The following MCF2L variants were observed in gnomAD, a reference collection of about 807,000 sequenced individuals.
The protein encoded by MCF2L is MCF.2 cell line derived transforming sequence like, also known as guanine nucleotide exchange factor DBS.
MCF2L carries 97 observed loss-of-function variants against 153.4 expected under a neutral mutation model. The observed-to-expected ratio is 0.63, with a 90% CI of 0.54 to 0.75. The LOEUF is 0.75. Among genes scored for constraint, MCF2L ranks in the 30% least tolerant of loss-of-function variants. The probability of loss-of-function intolerance (pLI) is 0.00; values close to 1 mark genes in which losing one functional copy is unlikely to be tolerated. For synonymous variants in MCF2L, 659 were observed against 632.2 expected (o/e 1.04, Z -0.64); for missense variants, 1,347 against 1,495.2 (o/e 0.90, Z 1.64).
At chr13:113,033,201 G>T (rs1594764384) in intron 3 of MCF2L, among the ~76,000 whole-genome samples, 4 of 142,168 alleles carry the variant, frequency 2.8e-5, no homozygotes, top group Non-Finnish European at 4.6e-5. Flanking sequence ...CCCGTGACGT[G>T]AGTGGCCCCC....
At chr13:113,026,332 T>C (rs940045611) in intron 3 of MCF2L, among the ~76,000 whole-genome samples, 6 of 151,654 alleles carry the variant, frequency 4.0e-5, no homozygotes, top group African/African-American at 2.4e-5. Context: ...GGAGCCATCA[T>C]TGAGTTCCCC....
intron 3 of MCF2L, among the ~76,000 whole-genome samples, chr13:113,030,429 G>A (rs1316444569): frequency 2.1e-5 from 3 of 142,752 alleles, no homozygotes; most frequent in Admixed American, 7.0e-5. Flanking sequence ...GTCCGCCGAC[G>A]CCCGGTGTGG....
intron 11 of MCF2L, among the ~76,000 whole-genome samples, chr13:113,075,674 G>C (rs914056678): frequency 2.0e-5 from 3 of 152,212 alleles, no homozygotes; most frequent in African/African-American, 7.2e-5. Flanking sequence ...CTTAAGGCCT[G>C]GTTGATCCTA....
Position 113,064,807 on chromosome 13 carries a change from C to A in MCF2L, c.607-129C>A, listed in dbSNP as rs906572353. 2.0e-6 allele frequency: 2 copies of A among 1,009,302 alleles called. No individual in the cohort carries two copies. Among genetic ancestry groups the A allele is most frequent in the Non-Finnish European group, 2.9e-6 (2 of 695,254 alleles). The allele number at this position is 1,009,302 out of a possible 1,614,324, so 62.5% of individuals were successfully genotyped here. A position where few individuals can be genotyped will look rare whatever the true frequency, so the allele number is the denominator to read the frequency against. On this transcript the variant is annotated intron_variant, in intron 6 of 29. Coordinates refer to ENST00000535094, the MANE Select transcript of MCF2L (RefSeq NM_001112732.3). This position sits in a 1 kb window ranked among gnomAD's most constrained non-coding sequence, Gnocchi z 6.0. The stretch of plus-strand genomic sequence containing the variant: ...CAGGACGCTATGGGAGGGCGTTCAC[C>A]GTCTTTGCGTCAGCCGGTCTCACCT...
intron 1 of MCF2L, among the ~76,000 whole-genome samples, chr13:112,976,775 G>T (rs1298195819): frequency 1.3e-5 from 2 of 152,216 alleles, no homozygotes; most frequent in Middle Eastern, 6.3e-3. Flanking sequence ...CGACAGAGCC[G>T]TGAGGAGACA....
chr13:113,065,925 C>T (rs1202212010), intron 7 of MCF2L, 121 bp from the exon 8 acceptor site: 16 of 1,055,280 alleles, frequency 1.5e-5, no homozygotes, highest in Admixed American at 5.8e-5. Flanking sequence ...ACTCGGGGGT[C>T]GGGGATTGAC....
intron 2 of MCF2L, among the ~76,000 whole-genome samples, chr13:112,928,558 C>A (rs961334612): frequency 1.3e-5 from 2 of 152,048 alleles, no homozygotes; most frequent in Non-Finnish European, 2.9e-5. Flanking sequence ...GTGCTTTTTT[C>A]CTCCCTTCAC....
intron 2 of MCF2L, among the ~76,000 whole-genome samples, chr13:113,017,718 C>T (rs2084622160): frequency 6.6e-6 from 1 of 152,142 alleles, no homozygotes; most frequent in Admixed American, 6.5e-5. Flanking sequence ...ACAGACTCCC[C>T]CGCCCGCCAC....
At chr13:113,004,480 C>T (rs2083563517) in intron 1 of MCF2L, among the ~76,000 whole-genome samples, 1 of 152,216 alleles carries the variant, frequency 6.6e-6, no homozygotes, top group Non-Finnish European at 1.5e-5. Context: ...CTCTGGGTCC[C>T]TGTAGCCTCC....
chr13:113,019,371 T>C (rs193242596), intron 2 of MCF2L, among the ~76,000 whole-genome samples: 51 of 152,280 alleles, frequency 3.3e-4, no homozygotes, highest in African/African-American at 1.0e-3. Context: ...TGCTCCAACC[T>C]GGGAGGACCG....
chr13:112,934,555 A>ATGCTGCTGC lies in MCF2L; in HGVS notation c.169+32202_169+32210dup, dbSNP rs61222550. On this transcript the variant is annotated intron_variant, in intron 2 of 29. Transcript: ENST00000375608. Reference sequence around the variant, plus strand: ...CCAAGAGTGTGCAGATTTCCAGGGGATGCTGCTGCTGCTGCTGCTGCTGCT... The same window carrying ATGCTGCTGC: ...CCAAGAGTGTGCAGATTTCCAGGGGATGCTGCTGCTGCTGCTGCTGCTGCTGCTGCTGCT... Among the ~76,000 whole-genome samples the ATGCTGCTGC allele has an allele frequency of 1.4e-3, 210 of 147,468 alleles. 2 individuals are homozygous for ATGCTGCTGC. Among genetic ancestry groups the ATGCTGCTGC allele is most frequent in the Middle Eastern group, 3.5e-3 (1 of 286 alleles).
chr13:113,024,407 C>G (rs2085095503), intron 2 of MCF2L, among the ~76,000 whole-genome samples: 1 of 152,218 alleles, frequency 6.6e-6, no homozygotes, highest in African/African-American at 2.4e-5. Context: ...GTCACGGTAG[C>G]TGTCCCATGG....
At chr13:112,911,478 T>C (rs2081231721) in intron 2 of MCF2L, among the ~76,000 whole-genome samples, 2 of 152,226 alleles carry the variant, frequency 1.3e-5, no homozygotes, top group Admixed American at 6.5e-5. Flanking sequence ...ATGTTGGCCG[T>C]GATCCCCGGA....
rs572328040 is a variant in MCF2L, at chr13:113,098,318, T to TA, written c.*1460dup. Reference sequence around the variant, plus strand: ...GCAGCTTTTCCTCTGATGTGTAAGTTATTTGGAACGCGTGCTGTGTCCCGC... The same window carrying TA: ...GCAGCTTTTCCTCTGATGTGTAAGTTAATTTGGAACGCGTGCTGTGTCCCGC... On this transcript the variant is annotated 3_prime_UTR_variant, in exon 30 of 30. Transcript: ENST00000535094. The TA allele has an allele frequency of 2.0e-5, 3 of 152,550 alleles. No individual in the cohort carries two copies. Among genetic ancestry groups the TA allele is most frequent in the Non-Finnish European group, 4.4e-5 (3 of 68,054 alleles). The allele number at this position is 152,550 out of a possible 1,614,324, so 9.4% of individuals were successfully genotyped here.
At chr13:113,036,101 C>T (rs1335495401) in intron 3 of MCF2L, among the ~76,000 whole-genome samples, 1 of 152,140 alleles carries the variant, frequency 6.6e-6, no homozygotes, top group Non-Finnish European at 1.5e-5. Flanking sequence ...AGACAACACT[C>T]GTGTCTATAA....
chr13:113,077,656 G>A (rs560102548), intron 13 of MCF2L, among the ~76,000 whole-genome samples: 4 of 152,270 alleles, frequency 2.6e-5, no homozygotes, highest in Non-Finnish European at 5.9e-5. Context: ...TGGGCTCCAG[G>A]AGCCCTGAAG....
Position 113,064,747 on chromosome 13 carries a change from T to C in MCF2L, c.607-189T>C. On this transcript the variant is annotated intron_variant, in intron 6 of 29. Transcript: ENST00000535094. The surrounding 1 kb of genome is among the most constrained non-coding windows in gnomAD (Gnocchi z 6.0). ...CTAGGTGACGGGCACACGTGTAGAG[T>C]GTGCCTGGTATGTTTCTGAAGAGGT... is the stretch of plus-strand genomic sequence containing the variant. The C allele has an allele frequency of 1.6e-6, 1 of 623,330 alleles. No individual in the cohort carries two copies. Among genetic ancestry groups the C allele is most frequent in the Non-Finnish European group, 2.8e-6 (1 of 362,488 alleles). 38.6% of individuals were successfully genotyped at this position (623,330 alleles called of 1,614,324 possible). A position where few individuals can be genotyped will look rare whatever the true frequency, so the allele number is the denominator to read the frequency against.
chr13:112,922,896 G>A (rs551246875), intron 2 of MCF2L, among the ~76,000 whole-genome samples: 12 of 152,260 alleles, frequency 7.9e-5, no homozygotes, highest in African/African-American at 2.9e-4. Flanking sequence ...ATGCAAAGAT[G>A]GTTAACATTA....
Position 112,969,473 on chromosome 13 carries a change from T to C in MCF2L, c.79+15T>C. 6.5e-7 allele frequency: 1 copy of C among 1,550,226 alleles called. No homozygotes were observed. Among genetic ancestry groups the C allele is most frequent in the South Asian group, 1.2e-5 (1 of 84,054 alleles). On this transcript the variant is annotated intron_variant, in intron 1 of 29. Transcript: ENST00000535094. This position sits in a 1 kb window ranked among gnomAD's most constrained non-coding sequence, Gnocchi z 4.8. ...CAAGCACACGGGTAGGAGGAGCTGC[T>C]GGCCGTCAGTGATCTGTGCTTAAGC...
Sources: allele counts gnomAD v4.1 joint callset (sites outside exome capture counted in the v4.1 genomes callset), GRCh38; gene constraint gnomAD v4.1.1; non-coding constraint Gnocchi (gnomAD v3.1); transcripts MANE v1.5; gene names NCBI Gene and HGNC (gene_info 2026-07-23, HGNC 2026-07-21).